Variants in SMARCD1 observed in about 807,000 individuals in gnomAD.
SMARCD1 encodes SWI/SNF related BAF chromatin remodeling complex subunit D1.
SMARCD1 carries 16 observed loss-of-function variants against 70.8 expected under a neutral mutation model. That is an observed-to-expected ratio of 0.23 (90% CI 0.15 to 0.34). The LOEUF (loss-of-function observed/expected upper bound fraction) is 0.34. SMARCD1 is among the 10% of genes least tolerant of loss of function. The probability of loss-of-function intolerance (pLI) is 1.00; values close to 1 mark genes in which losing one functional copy is unlikely to be tolerated. For synonymous variants in SMARCD1, 249 were observed against 246.0 expected (o/e 1.01, Z -0.11); for missense variants, 409 against 655.5 (o/e 0.62, Z 4.11).
rs745637010 is a variant in SMARCD1 at position 50,096,966 on chromosome 12, C to T, written c.1386C>T (p.Asp462=). The part of the protein sequence containing the change: ...INDWLQSQCR[D]LKTMTDVVGN... ...ACTGGCTTCAGTCCCAGTGCAGGGA[C>T]CTCAAGGTAAAGAACCTAGGAGAGG... The change falls in exon 11 of 13, where the codon GAC becomes GAT. Residue 462 remains aspartate, a synonymous_variant. Transcript: ENST00000394963. 1.2e-6 allele frequency: 2 copies of T among 1,613,434 alleles called. No individual in the cohort carries two copies. Among genetic ancestry groups the T allele is most frequent in the Non-Finnish European group, 1.7e-6 (2 of 1,179,592 alleles).
intron 11 of SMARCD1, 97 bp downstream of exon 11, chr12:50,097,069 T>G (rs901472914): frequency 1.6e-6 from 2 of 1,232,260 alleles, no homozygotes; most frequent in African/African-American, 3.0e-5. Flanking sequence ...GAGGAAGGAG[T>G]GAGGGGCCAG....
At chr12:50,087,234 C>A in intron 4 of SMARCD1, 129 bp from the exon 5 acceptor site, 1 of 1,108,826 alleles carries the variant, frequency 9.0e-7, no homozygotes, top group Non-Finnish European at 1.3e-6. Flanking sequence ...AATCTTCATC[C>A]ACCCACCCAA....
In SMARCD1 at chr12:50,091,564, C is replaced by T. The variant is rs184625218; in HGVS notation, c.1133+974C>T. 1.2e-4 allele frequency among the ~76,000 whole-genome samples: 18 copies of T among 151,172 alleles called. No homozygotes were observed. The East Asian group carries it at 3.5e-3, about 30-fold the overall frequency. On this transcript the variant is annotated intron_variant, in intron 9 of 12. Transcript: ENST00000394963. ...TGCTGGGACTACAGGCGTGAGCCAC[C>T]GCGCCCGGCCTTTTGTTTTGTTTTG...
At chr12:50,098,016 A>T (rs1208819739) in intron 11 of SMARCD1, among the ~76,000 whole-genome samples, 1 of 152,120 alleles carries the variant, frequency 6.6e-6, no homozygotes, top group Non-Finnish European at 1.5e-5. Context: ...GGATTTGAAG[A>T]CGTTCCCAGA....
chr12:50,089,950 G>A lies in SMARCD1; in HGVS notation c.838G>A (p.Val280Ile). 6.2e-7 allele frequency: 1 copy of A among 1,614,114 alleles called. No individual in the cohort carries two copies. Among genetic ancestry groups the A allele is most frequent in the Non-Finnish European group, 8.5e-7 (1 of 1,179,992 alleles). ...GGTGAAGCGGCCGGGAGACGTGAATGTACGGTGTACTGTCCTACTGATGCT... is the reference window on the plus strand; with the variant it reads ...GGTGAAGCGGCCGGGAGACGTGAATATACGGTGTACTGTCCTACTGATGCT... ...FQVKRPGDVNVRCTVLLMLDY... is the reference protein window; with the variant it reads ...FQVKRPGDVNIRCTVLLMLDY... The change falls in exon 7 of 13, where the codon GTA (valine) becomes ATA (isoleucine). Residue 280 changes from valine to isoleucine, a missense_variant. Around this residue, in one of 2 missense-constraint regions of SMARCD1, gnomAD observed 269 missense variants for 498.6 expected, o/e 0.54. Coordinates refer to ENST00000394963, the MANE Select transcript of SMARCD1 (RefSeq NM_003076.5).
chr12:50,090,417 C>T lies in SMARCD1; in HGVS notation c.1035+15C>T. ...ACCTGCAGCAGGTAAGTAATGGACCCATTCTTTTGCTAGAATCCATTAGAA... is the reference window on the plus strand; with the variant it reads ...ACCTGCAGCAGGTAAGTAATGGACCTATTCTTTTGCTAGAATCCATTAGAA... On this transcript the variant is annotated intron_variant, in intron 8 of 12. Transcript: ENST00000394963. 6.2e-7 allele frequency: 1 copy of T among 1,613,662 alleles called. No homozygotes were observed. Among genetic ancestry groups the T allele is most frequent in the Non-Finnish European group, 8.5e-7 (1 of 1,179,674 alleles).
At position 50,086,226 on chromosome 12, in the gene SMARCD1, T is replaced by TG. The variant is rs1302818922; in HGVS notation, c.249dup (p.Asn84GlufsTer47). The TG allele has an allele frequency of 1.9e-6, 3 of 1,610,500 alleles. No homozygotes were observed. The highest frequency in any genetic ancestry group is 1.7e-6 in the Non-Finnish European group (2 of 1,177,842). ...GACCTTCCATGGGACCCCCTGGCTA[T>TG]GGGGGGAACCCTTCAGTCCGACCTG... On this transcript the variant is annotated frameshift_variant, in exon 2 of 13. Coordinates refer to ENST00000394963, the MANE Select transcript of SMARCD1 (RefSeq NM_003076.5). LOFTEE classifies it high-confidence loss of function.
At chr12:50,088,699 A>G in intron 6 of SMARCD1, 62 bp downstream of exon 6, 2 of 906,586 alleles carry the variant, frequency 2.2e-6, no homozygotes, top group South Asian at 2.8e-5. Flanking sequence ...TGGGAGCCGT[A>G]TTTTAATGTC....
chr12:50,088,337 C>T (rs749061866), intron 5 of SMARCD1, 184 bp from the exon 6 acceptor site: 48 of 695,126 alleles, frequency 6.9e-5, no homozygotes, highest in Non-Finnish European at 9.8e-5. Context: ...CTTCAGGGTT[C>T]TGTTGCTACT....
chr12:50,089,290 G>A (rs1185251858), intron 6 of SMARCD1: 1 of 152,400 alleles, frequency 6.6e-6, no homozygotes, highest in Non-Finnish European at 1.5e-5. Context: ...ACATGGGGAG[G>A]TCTTTACCAT....
At chr12:50,098,531 C>T (rs1565743173) in intron 11 of SMARCD1, 183 bp from the exon 12 acceptor site, 6 of 601,688 alleles carry the variant, frequency 1.0e-5, no homozygotes, top group Non-Finnish European at 1.8e-5. Context: ...CTAATGACCT[C>T]ATCTTAACTT....
intron 9 of SMARCD1, among the ~76,000 whole-genome samples, chr12:50,093,974 G>A (rs929885322): frequency 2.6e-5 from 4 of 151,522 alleles, no homozygotes; most frequent in African/African-American, 7.3e-5. Context: ...GTTTCACCAT[G>A]TTCCTGACCT....
chr12:50,089,860 C>T (rs1318195642), intron 6 of SMARCD1, 24 bp from the exon 7 acceptor site: 2 of 1,571,642 alleles, frequency 1.3e-6, no homozygotes, highest in Non-Finnish European at 1.8e-6. Context: ...GGGAGAGCAC[C>T]CCCTGACATC....
chr12:50,097,002 C>G lies in SMARCD1; in HGVS notation c.1392+30C>G, dbSNP rs747301836. ...AGAACCTAGGAGAGGTCTGAAGGGA[C>G]TTAGGTCAGTGAGGTGCACAGCTGC... On this transcript the variant is annotated intron_variant, in intron 11 of 12. Coordinates refer to ENST00000394963, the MANE Select transcript of SMARCD1 (RefSeq NM_003076.5). 4 of 1,586,180 alleles carry G rather than the reference C, an allele frequency of 2.5e-6. No homozygotes were observed. In the African/African-American group the frequency reaches 5.4e-5, roughly 21 times the overall value.
At chr12:50,089,579 A>G (rs1592288638) in intron 6 of SMARCD1, among the ~76,000 whole-genome samples, 1 of 152,270 alleles carries the variant, frequency 6.6e-6, no homozygotes, top group South Asian at 2.1e-4. Context: ...ACTGTCACAC[A>G]TAGTAAGTAC....
At chr12:50,092,292 C>G (rs1348102834) in intron 9 of SMARCD1, among the ~76,000 whole-genome samples, 1 of 123,466 alleles carries the variant, frequency 8.1e-6, no homozygotes, top group East Asian at 2.8e-4. Context: ...TGCACAATCT[C>G]GGCTCACTGC....
In SMARCD1 at chr12:50,087,499, C is replaced by T; in HGVS notation, c.654+14C>T. The T allele has an allele frequency of 1.2e-6, 2 of 1,612,674 alleles. No individual in the cohort carries two copies. The highest frequency in any genetic ancestry group is 2.2e-5 in the East Asian group (1 of 44,834). ...CTCCTGGAGGATGTGAGTTCAAGGT[C>T]CACAATGGTTGGCATCTAGGGTGGG... is the stretch of plus-strand genomic sequence containing the variant. On this transcript the variant is annotated intron_variant, in intron 5 of 12. Coordinates refer to ENST00000394963, the MANE Select transcript of SMARCD1 (RefSeq NM_003076.5).
chr12:50,088,235 A>G, intron 5 of SMARCD1: 1 of 701,570 alleles, frequency 1.4e-6, no homozygotes, highest in East Asian at 2.7e-5. Context: ...AAACTCGCTT[A>G]GTTATGTGCA....
chr12:50,094,765 G>A (rs1950877701), intron 10 of SMARCD1, among the ~76,000 whole-genome samples, 193 bp downstream of exon 10: 2 of 152,172 alleles, frequency 1.3e-5, no homozygotes, highest in African/African-American at 4.8e-5. Flanking sequence ...CTGAGCCTCG[G>A]TTTCTGATTT....
Sources: allele counts gnomAD v4.1 joint callset (sites outside exome capture counted in the v4.1 genomes callset), GRCh38; gene constraint gnomAD v4.1.1; regional missense constraint gnomAD v4.1.1; transcripts MANE v1.5; gene names NCBI Gene and HGNC (gene_info 2026-07-23, HGNC 2026-07-21).